The following MARCHF1 variants were observed in gnomAD, a reference collection of about 807,000 sequenced individuals.
MARCHF1 encodes the protein E3 ubiquitin-protein ligase MARCHF1.
Under a neutral mutation model 54.2 loss-of-function variants are expected in MARCHF1, and 40 were observed. That is an observed-to-expected ratio of 0.74 (90% CI 0.57 to 0.96). MARCHF1 has a LOEUF of 0.96. Ranked by LOEUF, MARCHF1 falls within the 40% of genes least tolerant of loss-of-function variation. The pLI, the probability that MARCHF1 is intolerant of heterozygous loss-of-function variation, is 0.00. For synonymous variants in MARCHF1, 236 were observed against 236.3 expected, an observed-to-expected ratio of 1.00 and a Z score of 0.01; for missense variants, 586 against 656.5, an observed-to-expected ratio of 0.89 and a Z score of 1.17.
intron 3 of MARCHF1, 53 bp from the exon 4 acceptor site, chr4:163,854,222 G>A: frequency 5.3e-5 from 67 of 1,258,778 alleles, no homozygotes; most frequent in South Asian, 2.6e-4. Flanking sequence ...GCTGTGTTTT[G>A]GAAAATACAT....
intron 3 of MARCHF1, among the ~76,000 whole-genome samples, chr4:163,984,766 C>A (rs1752829552): frequency 1.3e-5 from 2 of 152,038 alleles, no homozygotes; most frequent in Admixed American, 6.6e-5. Flanking sequence ...TTAATTACAG[C>A]ATAGTAAGTG....
chr4:164,064,759 A>G (rs957238959), intron 2 of MARCHF1, among the ~76,000 whole-genome samples: 1 of 152,164 alleles, frequency 6.6e-6, no homozygotes, highest in Non-Finnish European at 1.5e-5. Flanking sequence ...GTTTTTTCCC[A>G]TTCAGTATGA....
At chr4:163,581,298 T>C (rs1039787585) in intron 8 of MARCHF1, among the ~76,000 whole-genome samples, 19 of 152,190 alleles carry the variant, frequency 1.2e-4, no homozygotes, top group Non-Finnish European at 2.5e-4. Context: ...GTAATGAAAA[T>C]TGAATTAGTT....
At chr4:163,700,089 A>G (rs1744760555) in intron 5 of MARCHF1, among the ~76,000 whole-genome samples, 1 of 152,120 alleles carries the variant, frequency 6.6e-6, no homozygotes, top group Non-Finnish European at 1.5e-5. Context: ...GTTCAGCCCA[A>G]AGTCCAGAAA....
chr4:164,008,666 A>C (rs1316192212), intron 2 of MARCHF1, among the ~76,000 whole-genome samples: 1 of 152,160 alleles, frequency 6.6e-6, no homozygotes, highest in Non-Finnish European at 1.5e-5. Flanking sequence ...AAAACTAGAA[A>C]TCAATAATAA....
At chr4:163,862,169 C>T (rs568726186) in intron 3 of MARCHF1, among the ~76,000 whole-genome samples, 5 of 151,828 alleles carry the variant, frequency 3.3e-5, no homozygotes, top group Admixed American at 6.6e-5. Context: ...GTAGATACAA[C>T]GCTAAAATCA....
intron 3 of MARCHF1, among the ~76,000 whole-genome samples, chr4:163,951,959 T>C (rs4349557): frequency 0.65 from 98,418 of 151,532 alleles, 32,125 homozygotes; most frequent in East Asian, 0.85. Context: ...AGCACCCGTG[T>C]TTCCTTGTTT....
intron 3 of MARCHF1, among the ~76,000 whole-genome samples, chr4:163,971,998 C>T (rs753579101): frequency 2.6e-5 from 4 of 152,204 alleles, no homozygotes; most frequent in Non-Finnish European, 5.9e-5. Flanking sequence ...CACATATACA[C>T]CATAGAATAC....
chr4:164,035,166 C>T (rs1046724355), intron 2 of MARCHF1, among the ~76,000 whole-genome samples: 1 of 151,964 alleles, frequency 6.6e-6, no homozygotes. Flanking sequence ...GAACACATAA[C>T]ATTTTTAAGT....
At chr4:164,069,345 T>C (rs906151246) in intron 2 of MARCHF1, among the ~76,000 whole-genome samples, 2 of 152,210 alleles carry the variant, frequency 1.3e-5, no homozygotes, top group Non-Finnish European at 2.9e-5. Flanking sequence ...GGCAACCCAC[T>C]TGGATCCCCT....
At chr4:163,572,946 A>G (rs1317510584) in intron 8 of MARCHF1, among the ~76,000 whole-genome samples, 3 of 152,150 alleles carry the variant, frequency 2.0e-5, no homozygotes, top group African/African-American at 7.2e-5. Context: ...GAAAGATAAT[A>G]ACATTGGAAT....
rs111401238 is a variant in MARCHF1 at position 164,210,287 on chromosome 4, T to C, written c.-322-98625A>G. Among the ~76,000 whole-genome samples, 356 of 152,268 alleles carry C rather than the reference T, an allele frequency of 2.3e-3. 1 individual carries two copies. Among genetic ancestry groups the C allele is most frequent in the Non-Finnish European group, 4.1e-3 (278 of 67,998 alleles). On this transcript the variant is annotated intron_variant, in intron 1 of 9. Transcript: ENST00000514618. ...GCTGATGGCTTAAAGCTGAAGAACA[T>C]TTTAGAGGTAAAATTGACACAGCTT... is the stretch of plus-strand genomic sequence containing the variant.
chr4:164,165,682 A>G (rs1005705402), intron 1 of MARCHF1, among the ~76,000 whole-genome samples: 1 of 151,962 alleles, frequency 6.6e-6, no homozygotes, highest in African/African-American at 2.4e-5. Context: ...AAAACACAAA[A>G]TGTACATGAA....
intron 1 of MARCHF1, among the ~76,000 whole-genome samples, chr4:164,315,991 ATTAC>A (rs1489421435): frequency 1.3e-5 from 2 of 152,108 alleles, no homozygotes; most frequent in African/African-American, 2.4e-5. Context: ...CCTTGTGCAA[ATTAC>A]TTAATCTCTA....
chr4:164,315,231 CAAA>C (rs58264322), intron 1 of MARCHF1, among the ~76,000 whole-genome samples: 3 of 100,676 alleles, frequency 3.0e-5, no homozygotes, highest in Non-Finnish European at 4.1e-5. Context: ...GTTAATTTAA[CAAA>C]AAAAAAAAAA....
At chr4:164,276,428 T>A (rs966951279) in intron 1 of MARCHF1, among the ~76,000 whole-genome samples, 1 of 152,156 alleles carries the variant, frequency 6.6e-6, no homozygotes, top group Non-Finnish European at 1.5e-5. Flanking sequence ...CTATCTCTGT[T>A]ACTAATTTTA....
At chr4:164,092,335 A>G (rs1755322127) in intron 2 of MARCHF1, among the ~76,000 whole-genome samples, 1 of 152,158 alleles carries the variant, frequency 6.6e-6, no homozygotes, top group Non-Finnish European at 1.5e-5. Context: ...AGGTAAGGCC[A>G]TATTCACTAT....
intron 2 of MARCHF1, among the ~76,000 whole-genome samples, chr4:164,027,261 A>T (rs2110982447): frequency 6.6e-6 from 1 of 151,008 alleles, no homozygotes; most frequent in South Asian, 2.1e-4. Context: ...GAAGCAAAAA[A>T]GAGCCCCAAT....
At position 163,737,916 on chromosome 4, in the gene MARCHF1, C is replaced by T. The variant is rs1746092619; in HGVS notation, c.112-37053G>A. Among the ~76,000 whole-genome samples the T allele has an allele frequency of 3.5e-5, 5 of 143,770 alleles. No homozygotes were observed. The South Asian group carries it at 9.2e-4, about 26-fold the overall frequency. The allele number at this position is 143,770 out of a possible 152,430, so 94.3% of individuals were successfully genotyped here. On this transcript the variant is annotated intron_variant, in intron 4 of 9. Transcript: ENST00000514618. ...CAGCCATCCCATTACTGGGTATATA[C>T]CCAAAGGACTATAAATCATGCTGCT...
Sources: gnomAD v4.1 joint callset for allele counts (sites outside exome capture counted in the v4.1 genomes callset) on GRCh38, gnomAD v4.1.1 for gene constraint, MANE v1.5 for transcripts, NCBI Gene and HGNC (gene_info 2026-07-23, HGNC 2026-07-21) for gene names.